KDM2A: variants seen among roughly 807,000 people sequenced by gnomAD.
The protein encoded by KDM2A is lysine demethylase 2A, also known as lysine-specific demethylase 2A.
KDM2A carries 3 observed loss-of-function variants against 137.3 expected under a neutral mutation model. That is an observed-to-expected ratio of 0.02 (90% CI 0.01 to 0.06). The LOEUF is 0.06. KDM2A is among the 10% of genes least tolerant of loss of function. The pLI is 1.00. For missense variants in KDM2A, 738 were observed against 1,510.6 expected, an observed-to-expected ratio of 0.49 and a Z score of 8.48; for synonymous variants, 512 against 541.5, an observed-to-expected ratio of 0.95 and a Z score of 0.76.
intron 16 of KDM2A, among the ~76,000 whole-genome samples, chr11:67,249,170 T>G (rs543959947): frequency 3.0e-4 from 46 of 152,352 alleles, no homozygotes; most frequent in African/African-American, 1.1e-3. Flanking sequence ...ATTTTTGAAG[T>G]TGACTAGGGC....
rs1690554643 is a variant in KDM2A at position 67,126,620 on chromosome 11, A to G, written c.42+5262A>G. Reference sequence around the variant, plus strand: ...CTACTCAGGAGGCTCAGACAGGAGAATTGCTTGAACTCGGGAGGTGGAGGT... The same window carrying G: ...CTACTCAGGAGGCTCAGACAGGAGAGTTGCTTGAACTCGGGAGGTGGAGGT... On this transcript the variant is annotated intron_variant, in intron 2 of 20. Transcript: ENST00000529006. Among the ~76,000 whole-genome samples the G allele has an allele frequency of 5.3e-5, 8 of 150,528 alleles. No homozygotes were observed. The South Asian group carries it at 1.7e-3, about 32-fold the overall frequency.
intron 5 of KDM2A, among the ~76,000 whole-genome samples, chr11:67,204,606 C>T (rs1857746946): frequency 6.6e-6 from 1 of 151,880 alleles, no homozygotes; most frequent in South Asian, 2.1e-4. Context: ...ATTCTCCTGC[C>T]TCAGTCTCCC....
chr11:67,168,557 C>T (rs1323300787), intron 2 of KDM2A, among the ~76,000 whole-genome samples: 6 of 94,706 alleles, frequency 6.3e-5, no homozygotes, highest in African/African-American at 2.6e-4. Flanking sequence ...CACACACACA[C>T]ACACACACAG....
chr11:67,140,345 G>A (rs1044400324), intron 2 of KDM2A, among the ~76,000 whole-genome samples: 1 of 151,800 alleles, frequency 6.6e-6, no homozygotes, highest in African/African-American at 2.4e-5. Flanking sequence ...CATCCTGGGT[G>A]ACAGAGTGAG....
At chr11:67,223,299 C>T (rs1228200008) in intron 10 of KDM2A, among the ~76,000 whole-genome samples, 3 of 151,922 alleles carry the variant, frequency 2.0e-5, no homozygotes, top group Non-Finnish European at 4.4e-5. Context: ...TGTGGTATCT[C>T]TTGGCTATAA....
intron 5 of KDM2A, among the ~76,000 whole-genome samples, chr11:67,187,515 A>G (rs1157190515): frequency 6.6e-6 from 1 of 152,066 alleles, no homozygotes; most frequent in Non-Finnish European, 1.5e-5. Context: ...CTTATATCAG[A>G]TAAAACAGAC....
intron 6 of KDM2A, among the ~76,000 whole-genome samples, chr11:67,208,348 C>T (rs1315279315): frequency 4.0e-5 from 6 of 151,882 alleles, no homozygotes; most frequent in Non-Finnish European, 7.4e-5. Flanking sequence ...GCTGGGATTA[C>T]AGGCGTGAGC....
intron 6 of KDM2A, among the ~76,000 whole-genome samples, chr11:67,214,324 C>T (rs376428622): frequency 6.6e-6 from 1 of 151,406 alleles, no homozygotes; most frequent in Non-Finnish European, 1.5e-5. Context: ...CCTGCCTCAG[C>T]CTCCCGAGTA....
intron 2 of KDM2A, among the ~76,000 whole-genome samples, chr11:67,141,686 T>A (rs68165420): frequency 0.046 from 4,932 of 107,770 alleles, 154 homozygotes; most frequent in Non-Finnish European, 0.06. Flanking sequence ...AAAAAAAATA[T>A]ATATATATAT....
chr11:67,195,449 TTTTA>T (rs1185122632), intron 5 of KDM2A: 2 of 152,072 alleles, frequency 1.3e-5, no homozygotes, highest in Admixed American at 6.6e-5. Context: ...TGCTGGTGAT[TTTTA>T]TTTTCTTTTT....
intron 2 of KDM2A, among the ~76,000 whole-genome samples, chr11:67,169,171 G>A (rs925666232): frequency 1.3e-5 from 2 of 151,686 alleles, no homozygotes; most frequent in African/African-American, 4.8e-5. Flanking sequence ...GGCCAGGCTG[G>A]CCTTGAACTC....
intron 2 of KDM2A, among the ~76,000 whole-genome samples, chr11:67,156,501 A>G (rs1264536819): frequency 6.6e-6 from 1 of 151,832 alleles, no homozygotes; most frequent in Non-Finnish European, 1.5e-5. Context: ...GCGGATCACG[A>G]GGTCAGGAGA....
intron 2 of KDM2A, among the ~76,000 whole-genome samples, chr11:67,152,950 G>A (rs1178996103): frequency 9.2e-6 from 1 of 108,124 alleles, no homozygotes; most frequent in Admixed American, 1.0e-4. Flanking sequence ...GTGTGTGTGT[G>A]TGTTTTCAGG....
rs1590834300 is a variant in KDM2A at position 67,254,078 on chromosome 11, T to G, written c.3092-125T>G. 4.1e-6 allele frequency: 3 copies of G among 727,768 alleles called. No homozygotes were observed. 45.1% of individuals were successfully genotyped at this position (727,768 alleles called of 1,614,324 possible). ...CTCACACCCTGAAGGCATGGCTGGG[T>G]GTGGGCAGTTCTACTTAACCCCTTC... On this transcript the variant is annotated intron_variant, in intron 19 of 20. Transcript: ENST00000529006. The surrounding 1 kb of genome is among the most constrained non-coding windows in gnomAD (Gnocchi z 4.7).
intron 2 of KDM2A, among the ~76,000 whole-genome samples, chr11:67,145,786 C>T (rs1304737946): frequency 6.6e-6 from 1 of 151,780 alleles, no homozygotes; most frequent in Non-Finnish European, 1.5e-5. Context: ...TGGACCTTTG[C>T]GTATGCTGTT....
chr11:67,237,766 A>G (rs1354396578), intron 12 of KDM2A, among the ~76,000 whole-genome samples: 1 of 152,054 alleles, frequency 6.6e-6, no homozygotes, highest in Admixed American at 6.6e-5. Context: ...TGGGCAACAT[A>G]GTGAGACTCC....
chr11:67,169,489 C>T (rs1334217184), intron 2 of KDM2A, among the ~76,000 whole-genome samples: 1 of 149,950 alleles, frequency 6.7e-6, no homozygotes, highest in African/African-American at 2.5e-5. Flanking sequence ...AAGTGATTCT[C>T]GTGCCTCAGC....
intron 2 of KDM2A, among the ~76,000 whole-genome samples, chr11:67,169,393 T>C (rs1032736103): frequency 5.3e-5 from 8 of 151,164 alleles, no homozygotes; most frequent in Non-Finnish European, 1.2e-4. Context: ...TTTTTTTTTT[T>C]TTTGAGATGA....
At chr11:67,121,460 G>A (rs563489775) in intron 2 of KDM2A, 102 bp downstream of exon 2, 2 of 1,200,432 alleles carry the variant, frequency 1.7e-6, no homozygotes, top group African/African-American at 3.0e-5. Context: ...AAAACTTTTC[G>A]GGTGACTTTT....
Sources: allele counts gnomAD v4.1 joint callset (sites outside exome capture counted in the v4.1 genomes callset), GRCh38; gene constraint gnomAD v4.1.1; non-coding constraint Gnocchi (gnomAD v3.1); transcripts MANE v1.5; gene names NCBI Gene and HGNC (gene_info 2026-07-23, HGNC 2026-07-21).